The following NCOR1 variants were observed in gnomAD, a reference collection of about 807,000 sequenced individuals.
NCOR1 encodes nuclear receptor corepressor 1.
NCOR1 carries 63 observed loss-of-function variants against 288.1 expected under a neutral mutation model. The observed-to-expected ratio is 0.22, with a 90% confidence interval of 0.18 to 0.27. The LOEUF is 0.27. Among genes scored for constraint, NCOR1 ranks in the 10% least tolerant of loss-of-function variants. The pLI, the probability that NCOR1 is intolerant of heterozygous loss-of-function variation, is 1.00. For synonymous variants in NCOR1, 1,007 were observed against 1,065.9 expected, an observed-to-expected ratio of 0.94 and a Z score of 1.08; for missense variants, 2,397 against 3,019.2, an observed-to-expected ratio of 0.79 and a Z score of 4.83.
At chr17:16,143,389 G>A (rs1363367709) in intron 11 of NCOR1, among the ~76,000 whole-genome samples, 1 of 152,042 alleles carries the variant, frequency 6.6e-6, no homozygotes, top group African/African-American at 2.4e-5. Flanking sequence ...CCTCTCTCCA[G>A]GTCTCCTTGC....
intron 14 of NCOR1, among the ~76,000 whole-genome samples, chr17:16,127,653 A>G (rs1003101401): frequency 6.8e-6 from 1 of 146,388 alleles, no homozygotes; most frequent in African/African-American, 2.6e-5. Context: ...GTGTATGTGT[A>G]TATATACATA....
In NCOR1 at chr17:16,031,562, G is replaced by C. The variant is rs1489976918; in HGVS notation, c.*734C>G. The C allele has an allele frequency of 4.6e-6, 1 of 217,170 alleles. No homozygotes were observed. The highest frequency in any genetic ancestry group is 6.8e-5 in the East Asian group (1 of 14,734). 13.5% of individuals were successfully genotyped at this position (217,170 alleles called of 1,614,324 possible). ...CTTTAAAACTTTATAAACTGAACTA[G>C]AACATACCCATGCAGTAATATTTTT... On this transcript the variant is annotated 3_prime_UTR_variant, in exon 46 of 46. Transcript: ENST00000268712.
intron 4 of NCOR1, among the ~76,000 whole-genome samples, chr17:16,167,256 A>G (rs902857258): frequency 3.3e-5 from 5 of 152,180 alleles, no homozygotes; most frequent in African/African-American, 1.2e-4. Flanking sequence ...TCAAGTGCCT[A>G]CTTACATAAC....
At chr17:16,159,087 A>T (rs1055896416) in intron 5 of NCOR1, among the ~76,000 whole-genome samples, 9 of 22,114 alleles carry the variant, frequency 4.1e-4, no homozygotes, top group East Asian at 3.0e-3. Context: ...GATAGAGTTT[A>T]AAAAAAAAAA....
intron 14 of NCOR1, among the ~76,000 whole-genome samples, chr17:16,136,913 C>A (rs1385029353): frequency 6.6e-6 from 1 of 151,614 alleles, no homozygotes; most frequent in African/African-American, 2.4e-5. Flanking sequence ...TAAAGAATCT[C>A]TAATCAAGGT....
intron 11 of NCOR1, among the ~76,000 whole-genome samples, chr17:16,139,577 T>C (rs1165400808): frequency 2.0e-5 from 3 of 152,192 alleles, no homozygotes; most frequent in Non-Finnish European, 2.9e-5. Flanking sequence ...CATCATTTTA[T>C]AGAACAACTT....
intron 1 of NCOR1, among the ~76,000 whole-genome samples, chr17:16,196,597 G>A (rs532160523): frequency 4.0e-4 from 61 of 152,024 alleles, no homozygotes; most frequent in Non-Finnish European, 3.4e-4. Flanking sequence ...AGGCCAAGGC[G>A]GGTGGATCAT....
chr17:16,199,066 A>G (rs1245743352), intron 1 of NCOR1, among the ~76,000 whole-genome samples: 1 of 151,606 alleles, frequency 6.6e-6, no homozygotes, highest in Admixed American at 6.6e-5. Context: ...AAGTTAAGTG[A>G]CTTGTCCATT....
At chr17:16,103,628 A>G (rs1388503106) in intron 19 of NCOR1, among the ~76,000 whole-genome samples, 1 of 152,240 alleles carries the variant, frequency 6.6e-6, no homozygotes, top group Non-Finnish European at 1.5e-5. Context: ...TGCATCTTCT[A>G]CCACAGAGAC....
chr17:16,215,457 G>A lies in NCOR1; in HGVS notation c.-166C>T. ...GCCCTACACCGGGACCTCGTTCGGC[G>A]CGGCGAGTCGGACGCTCACTCCAGC... On this transcript the variant is annotated 5_prime_UTR_variant, in exon 1 of 46. Transcript: ENST00000268712. 2.5e-6 allele frequency: 1 copy of A among 397,792 alleles called. No individual in the cohort carries two copies. Among genetic ancestry groups the A allele is most frequent in the Non-Finnish European group, 4.4e-6 (1 of 225,520 alleles). The allele number at this position is 397,792 out of a possible 1,614,324, so 24.6% of individuals were successfully genotyped here.
chr17:16,032,228 T>A lies in NCOR1; in HGVS notation c.*68A>T. The A allele has an allele frequency of 6.9e-7, 1 of 1,448,428 alleles. No homozygotes were observed. The allele number at this position is 1,448,428 out of a possible 1,614,324, so 89.7% of individuals were successfully genotyped here. A position where few individuals can be genotyped will look rare whatever the true frequency, so the allele number is the denominator to read the frequency against. On this transcript the variant is annotated 3_prime_UTR_variant, in exon 46 of 46. Transcript: ENST00000268712. ...ACAGGAGGGCAGGTTTTTGACCTGC[T>A]ACTAAAAATTAAACCACAAAAACTA...
chr17:16,101,363 A>C lies in NCOR1; in HGVS notation c.2577T>G (p.Asp859Glu). The change falls in exon 20 of 46, where the codon GAT becomes GAG. Residue 859 changes from aspartate to glutamate, a missense_variant. This residue lies in a region of NCOR1 where 1,872 missense variants were observed against 2,187.8 expected (regional missense o/e 0.86). Transcript: ENST00000268712. ...CATTTATTTGCTGAGCTACCACCAA[A>C]TCTTCATCTCTAGGTTCCACCTTCT... ...ASEKVEPRDE[D>E]LVVAQQINAQ... is the part of the protein sequence containing the mutation. 1 of 1,614,126 alleles carries C rather than the reference A, an allele frequency of 6.2e-7. No individual in the cohort carries two copies. The highest frequency in any genetic ancestry group is 8.5e-7 in the Non-Finnish European group (1 of 1,180,022).
At chr17:16,156,784 T>C (rs756586241) in intron 6 of NCOR1, among the ~76,000 whole-genome samples, 4 of 152,096 alleles carry the variant, frequency 2.6e-5, no homozygotes, top group Non-Finnish European at 5.9e-5. Context: ...AATAAAAACA[T>C]CTATATATAA....
chr17:16,184,977 G>T (rs1299063756), intron 3 of NCOR1, among the ~76,000 whole-genome samples: 3 of 134,738 alleles, frequency 2.2e-5, no homozygotes, highest in African/African-American at 8.3e-5. Context: ...GTAAAATATT[G>T]CATGATTTCG....
intron 3 of NCOR1, among the ~76,000 whole-genome samples, chr17:16,184,894 T>A (rs936305044): frequency 6.7e-6 from 1 of 149,662 alleles, no homozygotes; most frequent in Non-Finnish European, 1.5e-5. Flanking sequence ...TAAAAAAAAA[T>A]GAGATCTTGC....
At chr17:16,207,998 A>G (rs989978269) in intron 1 of NCOR1, among the ~76,000 whole-genome samples, 22 of 138,410 alleles carry the variant, frequency 1.6e-4, no homozygotes, top group Admixed American at 1.3e-3. Flanking sequence ...CCTGAATTCT[A>G]TTATAATCCT....
chr17:16,089,994 A>G (rs895381875), intron 22 of NCOR1, among the ~76,000 whole-genome samples: 1 of 152,138 alleles, frequency 6.6e-6, no homozygotes, highest in African/African-American at 2.4e-5. Context: ...TATAATTACA[A>G]TTTGATTTTA....
rs147423306 is a variant in NCOR1, at chr17:16,186,281, T to C, written c.242+273A>G. ...GCTTGGGCATCCCAAGGGGTTCTAA[T>C]GTGCAGCCCAAGTCTATAGAACATA... On this transcript the variant is annotated intron_variant, in intron 3 of 45. Coordinates refer to ENST00000268712, the MANE Select transcript of NCOR1 (RefSeq NM_006311.4). Among the ~76,000 whole-genome samples, 761 of 152,296 alleles carry C rather than the reference T, an allele frequency of 5.0e-3. 7 individuals carry two copies. The highest frequency in any genetic ancestry group is 0.017 in the African/African-American group (714 of 41,550).
In NCOR1 at chr17:16,127,699, G is replaced by GTA. The variant is rs749586567; in HGVS notation, c.1510-1495_1510-1494dup. Among the ~76,000 whole-genome samples the GTA allele has an allele frequency of 1.2e-4, 17 of 137,690 alleles. 1 individual carries two copies. Among genetic ancestry groups the GTA allele is most frequent in the Non-Finnish European group, 2.3e-4 (15 of 64,018 alleles). The allele number at this position is 137,690 out of a possible 152,430, so 90.3% of individuals were successfully genotyped here. A position where few individuals can be genotyped will look rare whatever the true frequency, so the allele number is the denominator to read the frequency against. ...TGTGTATGTGTATATATACATATAT[G>GTA]TATATATGTGTGTGTATATATACAT... On this transcript the variant is annotated intron_variant, in intron 14 of 45. Coordinates refer to ENST00000268712, the MANE Select transcript of NCOR1 (RefSeq NM_006311.4).
Sources: gnomAD v4.1 joint callset for allele counts (sites outside exome capture counted in the v4.1 genomes callset) on GRCh38, gnomAD v4.1.1 for gene constraint, gnomAD v4.1.1 regional missense constraint, MANE v1.5 for transcripts, NCBI Gene and HGNC (gene_info 2026-07-23, HGNC 2026-07-21) for gene names.